Variants in ARHGAP15 observed in about 807,000 individuals in gnomAD.
ARHGAP15 encodes the protein Rho GTPase activating protein 15.
A neutral mutation model predicts 63.7 loss-of-function variants in ARHGAP15; 51 were observed. The observed-to-expected ratio is 0.80, with a 90% CI of 0.64 to 1.01. The LOEUF is 1.01. Ranked by LOEUF, ARHGAP15 falls within the 50% of genes least tolerant of loss-of-function variation. The pLI is 0.00. For missense variants in ARHGAP15, 560 were observed against 564.6 expected (o/e 0.99, Z 0.08); for synonymous variants, 191 against 193.8 (o/e 0.99, Z 0.12).
chr2:143,711,405 A>G (rs1165949531), intron 13 of ARHGAP15, among the ~76,000 whole-genome samples: 1 of 152,228 alleles, frequency 6.6e-6, no homozygotes, highest in African/African-American at 2.4e-5. Context: ...GAAACAAGCT[A>G]TCTTTAAGGA....
chr2:143,623,182 C>T (rs907038990), intron 11 of ARHGAP15, among the ~76,000 whole-genome samples: 2 of 152,198 alleles, frequency 1.3e-5, no homozygotes, highest in African/African-American at 2.4e-5. Context: ...TACCTCGCTT[C>T]CTTTTAATTT....
intron 13 of ARHGAP15, among the ~76,000 whole-genome samples, chr2:143,721,686 T>C (rs1685065599): frequency 6.6e-6 from 1 of 152,104 alleles, no homozygotes; most frequent in Admixed American, 6.6e-5. Flanking sequence ...TGGACCTTTT[T>C]AAACTTTTTT....
chr2:143,525,610 T>C (rs1694239152), intron 10 of ARHGAP15, among the ~76,000 whole-genome samples: 1 of 152,144 alleles, frequency 6.6e-6, no homozygotes, highest in Admixed American at 6.5e-5. Context: ...TTTAGTGCTT[T>C]GGTGTTTTGT....
chr2:143,614,226 G>A (rs1230352470), intron 11 of ARHGAP15, among the ~76,000 whole-genome samples: 1 of 152,126 alleles, frequency 6.6e-6, no homozygotes, highest in Non-Finnish European at 1.5e-5. Context: ...GAAGCTTGAT[G>A]CTAATCTTCT....
chr2:143,262,534 G>GGTTTTTTTTT (rs1680773129), intron 6 of ARHGAP15, among the ~76,000 whole-genome samples: 1 of 82,080 alleles, frequency 1.2e-5, no homozygotes, highest in African/African-American at 5.5e-5. Context: ...CTGAACCTTT[G>GGTTTTTTTTT]ATTTTTTTTT....
chr2:143,539,577 G>T (rs1694948257), intron 10 of ARHGAP15, among the ~76,000 whole-genome samples: 1 of 151,976 alleles, frequency 6.6e-6, no homozygotes, highest in Non-Finnish European at 1.5e-5. Context: ...CTGGTATGTT[G>T]TGTCTTTGTT....
At chr2:143,276,895 C>A (rs1381989802) in intron 6 of ARHGAP15, among the ~76,000 whole-genome samples, 3 of 152,150 alleles carry the variant, frequency 2.0e-5, no homozygotes, top group Non-Finnish European at 4.4e-5. Context: ...TAATTTTGTA[C>A]CTTGCTGAAA....
chr2:143,470,960 C>CAT (rs146929614), intron 8 of ARHGAP15, among the ~76,000 whole-genome samples: 10,013 of 136,352 alleles, frequency 0.073, 513 homozygotes, highest in East Asian at 0.29. Flanking sequence ...ACATGTGTAT[C>CAT]ATATGTGTGT....
In ARHGAP15 at chr2:143,283,669, C is replaced by A. The variant is rs576108187; in HGVS notation, c.474+33069C>A. ...TAATATTAAGGCTTTACTTCTTCAA[C>A]ATTAATTTGATGCATACCTTTCTTT... On this transcript the variant is annotated intron_variant, in intron 6 of 13. Coordinates refer to ENST00000295095, the MANE Select transcript of ARHGAP15 (RefSeq NM_018460.4). Among the ~76,000 whole-genome samples the A allele has an allele frequency of 9.9e-5, 15 of 152,248 alleles. 1 individual carries two copies. The South Asian group carries it at 1.9e-3, about 19-fold the overall frequency.
At chr2:143,503,221 T>A (rs1693155081) in intron 9 of ARHGAP15, among the ~76,000 whole-genome samples, 1 of 152,222 alleles carries the variant, frequency 6.6e-6, no homozygotes, top group Non-Finnish European at 1.5e-5. Flanking sequence ...TATATAATGT[T>A]TGAGTATGTA....
At chr2:143,765,109 ATGTG>A (rs60894627) in intron 13 of ARHGAP15, among the ~76,000 whole-genome samples, 9,865 of 147,398 alleles carry the variant, frequency 0.067, 411 homozygotes, top group African/African-American at 0.11. Context: ...CCTCTAAAAT[ATGTG>A]TGTGTGTGTG....
chr2:143,454,133 A>G (rs2105140825), intron 8 of ARHGAP15, among the ~76,000 whole-genome samples: 1 of 152,174 alleles, frequency 6.6e-6, no homozygotes, highest in Non-Finnish European at 1.5e-5. Context: ...AATCACCGTC[A>G]TTGAGAGGCC....
intron 8 of ARHGAP15, among the ~76,000 whole-genome samples, chr2:143,443,345 A>T (rs1396460146): frequency 6.6e-6 from 1 of 152,120 alleles, no homozygotes; most frequent in Admixed American, 6.6e-5. Flanking sequence ...AAAACAAAAA[A>T]GTCGTGACAT....
chr2:143,334,410 C>T (rs1473968808), intron 6 of ARHGAP15, among the ~76,000 whole-genome samples: 1 of 152,060 alleles, frequency 6.6e-6, no homozygotes, highest in Admixed American at 6.6e-5. Flanking sequence ...CAAAGGTATC[C>T]ATTGTTAGAT....
chr2:143,487,343 CA>C (rs3839037), intron 8 of ARHGAP15, 29 bp from the exon 9 acceptor site: 83,880 of 1,580,718 alleles, frequency 0.053, 3,682 homozygotes, highest in East Asian at 0.23. Context: ...AGAAATTTAC[CA>C]AAAGCCTCTG....
At chr2:143,438,948 A>G (rs1241731929) in intron 8 of ARHGAP15, among the ~76,000 whole-genome samples, 1 of 152,200 alleles carries the variant, frequency 6.6e-6, no homozygotes, top group Non-Finnish European at 1.5e-5. Flanking sequence ...GGTTTGCAAA[A>G]ATGTATTTGA....
chr2:143,617,335 C>G (rs534445062), intron 11 of ARHGAP15, among the ~76,000 whole-genome samples: 2 of 152,148 alleles, frequency 1.3e-5, no homozygotes, highest in South Asian at 4.1e-4. Flanking sequence ...TTTGCTTGAG[C>G]TACCATACTA....
chr2:143,192,748 A>G (rs967967696), intron 2 of ARHGAP15, among the ~76,000 whole-genome samples: 14 of 152,226 alleles, frequency 9.2e-5, no homozygotes, highest in Admixed American at 3.3e-4. Context: ...CATTGAACAT[A>G]TAAATTGTGT....
chr2:143,180,466 C>T (rs960951205), intron 2 of ARHGAP15, among the ~76,000 whole-genome samples: 1 of 152,138 alleles, frequency 6.6e-6, no homozygotes, highest in Admixed American at 6.5e-5. Context: ...GTCCTGAACC[C>T]CTCAAAGTCA....
Sources: gnomAD v4.1 joint callset for allele counts (sites outside exome capture counted in the v4.1 genomes callset) on GRCh38, gnomAD v4.1.1 for gene constraint, MANE v1.5 for transcripts, NCBI Gene and HGNC (gene_info 2026-07-23, HGNC 2026-07-21) for gene names.